FAM117B: variants seen among roughly 807,000 people sequenced by gnomAD.
The protein encoded by FAM117B is family with sequence similarity 117 member B.
A neutral mutation model predicts 52.8 loss-of-function variants in FAM117B; 22 were observed. The ratio of observed to expected loss-of-function variants is 0.42; its 90% CI spans 0.30 to 0.59. The LOEUF is 0.59. FAM117B is among the 20% of genes least tolerant of loss of function. The pLI is 0.22. For missense variants in FAM117B, 678 were observed against 802.6 expected (o/e 0.84, Z 1.88); for synonymous variants, 309 against 324.1 (o/e 0.95, Z 0.50).
intron 1 of FAM117B, among the ~76,000 whole-genome samples, chr2:202,676,668 G>A (rs756844331): frequency 6.6e-6 from 1 of 152,088 alleles, no homozygotes; most frequent in Non-Finnish European, 1.5e-5. Context: ...GTGGGCCACC[G>A]CGCCTGGTCA....
chr2:202,656,065 G>C lies in FAM117B; in HGVS notation c.601+20277G>C, dbSNP rs570006204. On this transcript the variant is annotated intron_variant, in intron 1 of 7. Transcript: ENST00000392238. ...ATTATTCATCTGTGGAGTTTGTAGT[G>C]GTGGCATCCTTTCGGTCATTCCTGA... is the stretch of plus-strand genomic sequence containing the variant. Among the ~76,000 whole-genome samples the C allele has an allele frequency of 3.9e-5, 6 of 152,170 alleles. No homozygotes were observed. The South Asian group carries it at 1.2e-3, about 32-fold the overall frequency.
intron 1 of FAM117B, among the ~76,000 whole-genome samples, chr2:202,663,615 C>G (rs978165428): frequency 6.9e-6 from 1 of 144,904 alleles, no homozygotes; most frequent in Non-Finnish European, 1.5e-5. Flanking sequence ...CAGAGTCTCA[C>G]TCTCCTTTCC....
chr2:202,678,732 T>C (rs1271148830), intron 1 of FAM117B, among the ~76,000 whole-genome samples: 2 of 152,106 alleles, frequency 1.3e-5, no homozygotes, highest in Non-Finnish European at 2.9e-5. Context: ...AATTTTGTAT[T>C]TTTTTAGTAG....
intron 1 of FAM117B, among the ~76,000 whole-genome samples, chr2:202,648,933 T>A (rs1689912665): frequency 6.6e-6 from 1 of 152,000 alleles, no homozygotes; most frequent in South Asian, 2.1e-4. Context: ...TTTGTATTTT[T>A]AGTAGAGATG....
At chr2:202,656,611 G>A (rs1574543825) in intron 1 of FAM117B, among the ~76,000 whole-genome samples, 2 of 152,088 alleles carry the variant, frequency 1.3e-5, no homozygotes, top group Non-Finnish European at 2.9e-5. Context: ...TGAGGTTTAT[G>A]TCCCAGGATA....
intron 2 of FAM117B, among the ~76,000 whole-genome samples, chr2:202,723,738 C>T (rs551929796): frequency 3.3e-4 from 50 of 152,244 alleles, no homozygotes; most frequent in Non-Finnish European, 5.7e-4. Context: ...ATAGGCAAGT[C>T]ATTTTGTACA....
At chr2:202,734,369 C>T (rs1691406847) in intron 4 of FAM117B, among the ~76,000 whole-genome samples, 1 of 151,996 alleles carries the variant, frequency 6.6e-6, no homozygotes, top group African/African-American at 2.4e-5. Context: ...AAAACAGCAA[C>T]AACAAAAAAC....
chr2:202,758,080 G>A (rs939943357), intron 6 of FAM117B, among the ~76,000 whole-genome samples: 4 of 152,176 alleles, frequency 2.6e-5, no homozygotes, highest in African/African-American at 4.8e-5. Context: ...GTTACGTTGT[G>A]TACTTGAAAG....
At chr2:202,675,264 G>C (rs1574551268) in intron 1 of FAM117B, among the ~76,000 whole-genome samples, 2 of 151,388 alleles carry the variant, frequency 1.3e-5, no homozygotes, top group Middle Eastern at 6.8e-3. Context: ...CTGAGCAACA[G>C]GTGATTCTCT....
intron 4 of FAM117B, among the ~76,000 whole-genome samples, chr2:202,727,960 T>C (rs1691272728): frequency 6.6e-6 from 1 of 152,152 alleles, no homozygotes; most frequent in Non-Finnish European, 1.5e-5. Context: ...TCAGATTTGA[T>C]TTCACAGGTT....
At chr2:202,757,772 A>C (rs1691826228) in intron 6 of FAM117B, among the ~76,000 whole-genome samples, 1 of 152,204 alleles carries the variant, frequency 6.6e-6, no homozygotes, top group Non-Finnish European at 1.5e-5. Flanking sequence ...GATAGTCATG[A>C]TTTTATTACC....
chr2:202,761,582 A>G (rs1287453092), intron 7 of FAM117B, among the ~76,000 whole-genome samples: 1 of 152,028 alleles, frequency 6.6e-6, no homozygotes, highest in Non-Finnish European at 1.5e-5. Flanking sequence ...GCTGGAGTGC[A>G]ATGGCATGAT....
intron 4 of FAM117B, among the ~76,000 whole-genome samples, chr2:202,734,292 TGGG>T (rs978000666): frequency 6.6e-5 from 10 of 152,006 alleles, no homozygotes; most frequent in Admixed American, 6.6e-4. Context: ...GAGGCTGAGG[TGGG>T]GGGATTACTT....
At chr2:202,676,068 T>C (rs1409267577) in intron 1 of FAM117B, among the ~76,000 whole-genome samples, 1 of 151,910 alleles carries the variant, frequency 6.6e-6, no homozygotes, top group Admixed American at 6.6e-5. Flanking sequence ...TTGTCACTTA[T>C]GTATTACTCT....
intron 1 of FAM117B, among the ~76,000 whole-genome samples, chr2:202,661,886 A>G (rs1690133293): frequency 6.7e-6 from 1 of 148,280 alleles, no homozygotes; most frequent in Admixed American, 6.9e-5. Context: ...ACTGCACTGC[A>G]CTCCAGCCTG....
intron 1 of FAM117B, among the ~76,000 whole-genome samples, chr2:202,680,229 T>C (rs1162900043): frequency 2.6e-5 from 4 of 151,994 alleles, no homozygotes; most frequent in African/African-American, 9.7e-5. Context: ...GGCGTGATTG[T>C]ACTCTCAGAA....
intron 4 of FAM117B, among the ~76,000 whole-genome samples, chr2:202,747,525 A>G (rs1231317486): frequency 6.6e-6 from 1 of 152,236 alleles, no homozygotes; most frequent in African/African-American, 2.4e-5. Context: ...AAACCTACCC[A>G]TTCCAATTTA....
At chr2:202,764,006 G>A (rs535431522) in intron 7 of FAM117B, among the ~76,000 whole-genome samples, 62 of 152,230 alleles carry the variant, frequency 4.1e-4, no homozygotes, top group African/African-American at 1.4e-3. Flanking sequence ...CTCTTGTGGC[G>A]GTCTTAACCT....
intron 1 of FAM117B, among the ~76,000 whole-genome samples, chr2:202,638,818 C>T (rs1000200313): frequency 6.6e-6 from 1 of 152,172 alleles, no homozygotes; most frequent in Non-Finnish European, 1.5e-5. Context: ...TCTAGTGCAG[C>T]ACTTTCACTT....
Sources: allele counts gnomAD v4.1 joint callset (sites outside exome capture counted in the v4.1 genomes callset), GRCh38; gene constraint gnomAD v4.1.1; transcripts MANE v1.5; gene names NCBI Gene and HGNC (gene_info 2026-07-23, HGNC 2026-07-21).